Variants in KCNN3 observed in about 807,000 individuals in gnomAD.
KCNN3 encodes the protein small conductance calcium-activated potassium channel protein 3.
KCNN3 carries 16 observed loss-of-function variants against 62.9 expected under a neutral mutation model. That is an observed-to-expected ratio of 0.25 (90% confidence interval 0.17 to 0.39). The LOEUF (loss-of-function observed/expected upper bound fraction) is 0.39. Among genes scored for constraint, KCNN3 ranks in the 10% least tolerant of loss-of-function variants. The probability of loss-of-function intolerance (pLI) is 1.00; values close to 1 mark genes in which losing one functional copy is unlikely to be tolerated. For synonymous variants in KCNN3, 370 were observed against 389.2 expected, an observed-to-expected ratio of 0.95 and a Z score of 0.58; for missense variants, 599 against 949.4, an observed-to-expected ratio of 0.63 and a Z score of 4.85.
intron 2 of KCNN3, among the ~76,000 whole-genome samples, chr1:154,796,811 G>A (rs1055519257): frequency 1.3e-5 from 2 of 152,238 alleles, no homozygotes; most frequent in African/African-American, 4.8e-5. Flanking sequence ...ATGAGGCAGC[G>A]CCCAGAGGAT....
rs1699869390 is a variant in KCNN3 at position 154,702,297 on chromosome 1, A to C, written c.*5679T>G. On this transcript the variant is annotated 3_prime_UTR_variant, in exon 8 of 8. Transcript: ENST00000271915. ...TAGTTTGATACAAAATGTTAATTGA[A>C]AGTTACAATATATTTTATAATATAT... is the stretch of plus-strand genomic sequence containing the variant. The C allele has an allele frequency of 6.6e-6, 1 of 152,006 alleles. No individual in the cohort carries two copies. Among genetic ancestry groups the C allele is most frequent in the African/African-American group, 2.4e-5 (1 of 41,386 alleles). 9.4% of individuals were successfully genotyped at this position (152,006 alleles called of 1,614,324 possible).
intron 2 of KCNN3, among the ~76,000 whole-genome samples, chr1:154,797,753 A>T (rs1649791638): frequency 6.6e-6 from 1 of 152,202 alleles, no homozygotes. Context: ...CATATAGCAG[A>T]TGCTGGAGGA....
chr1:154,842,478 T>G (rs1183064209), intron 1 of KCNN3, among the ~76,000 whole-genome samples: 1 of 152,086 alleles, frequency 6.6e-6, no homozygotes, highest in Non-Finnish European at 1.5e-5. Context: ...CATCACCTGG[T>G]CGCACCCCAA....
chr1:154,841,251 A>G (rs1651815923), intron 1 of KCNN3, among the ~76,000 whole-genome samples: 1 of 152,244 alleles, frequency 6.6e-6, no homozygotes, highest in East Asian at 1.9e-4. Flanking sequence ...AGGGAGATGA[A>G]CACTGAAATA....
intron 2 of KCNN3, among the ~76,000 whole-genome samples, chr1:154,784,545 C>G (rs139907969): frequency 2.6e-5 from 4 of 152,236 alleles, no homozygotes; most frequent in African/African-American, 9.6e-5. Flanking sequence ...CTTCTGACTC[C>G]CAGGTGGGGC....
chr1:154,805,263 G>A (rs1650121862), intron 2 of KCNN3, among the ~76,000 whole-genome samples: 1 of 152,182 alleles, frequency 6.6e-6, no homozygotes, highest in Non-Finnish European at 1.5e-5. Context: ...AGGGGGAATG[G>A]CTGTGGCCAT....
chr1:154,824,861 T>C (rs916298745), intron 1 of KCNN3, among the ~76,000 whole-genome samples: 4 of 152,176 alleles, frequency 2.6e-5, no homozygotes, highest in African/African-American at 9.7e-5. Context: ...TGCTTCTTGG[T>C]TTTGGCCAGT....
At chr1:154,865,132 C>G (rs1652903135) in intron 1 of KCNN3, among the ~76,000 whole-genome samples, 1 of 152,014 alleles carries the variant, frequency 6.6e-6, no homozygotes, top group Non-Finnish European at 1.5e-5. Context: ...CTTTCTGAAC[C>G]CAGGGAAGAG....
At chr1:154,801,331 AT>A (rs1377942867) in intron 2 of KCNN3, among the ~76,000 whole-genome samples, 1 of 152,096 alleles carries the variant, frequency 6.6e-6, no homozygotes, top group Non-Finnish European at 1.5e-5. Flanking sequence ...GTCACTTTTT[AT>A]TCTTTTCTAT....
intron 1 of KCNN3, among the ~76,000 whole-genome samples, chr1:154,853,131 A>T (rs1026854249): frequency 3.3e-5 from 5 of 150,838 alleles, no homozygotes; most frequent in Non-Finnish European, 7.4e-5. Context: ...CTAGGACTAC[A>T]GGTGCACACC....
chr1:154,817,673 T>C (rs1650722850), intron 2 of KCNN3, among the ~76,000 whole-genome samples: 1 of 152,224 alleles, frequency 6.6e-6, no homozygotes, highest in Non-Finnish European at 1.5e-5. Context: ...CTGAGTTTTA[T>C]GATTCTGCCT....
chr1:154,846,023 C>T (rs747583416), intron 1 of KCNN3, among the ~76,000 whole-genome samples: 6 of 152,224 alleles, frequency 3.9e-5, no homozygotes, highest in African/African-American at 7.2e-5. Context: ...AGCAGCCTGC[C>T]GGTCCAAAAC....
rs934194942 is a variant in KCNN3, at chr1:154,703,315, G to A, written c.*4661C>T. Reference sequence around the variant, plus strand: ...TAATGTTTATTTTGGCGGCAGTAGAGAAGGAAAGGATACTGTCTGGGGCGT... The same window carrying A: ...TAATGTTTATTTTGGCGGCAGTAGAAAAGGAAAGGATACTGTCTGGGGCGT... On this transcript the variant is annotated 3_prime_UTR_variant, in exon 8 of 8. Coordinates refer to ENST00000271915, the MANE Select transcript of KCNN3 (RefSeq NM_002249.6). 1 of 152,086 alleles carries A rather than the reference G, an allele frequency of 6.6e-6. No individual in the cohort carries two copies. The highest frequency in any genetic ancestry group is 6.6e-5 in the Admixed American group (1 of 15,258). The allele number at this position is 152,086 out of a possible 1,614,324, so 9.4% of individuals were successfully genotyped here.
At chr1:154,766,742 T>C (rs1252139365) in intron 3 of KCNN3, among the ~76,000 whole-genome samples, 4 of 150,210 alleles carry the variant, frequency 2.7e-5, no homozygotes, top group Non-Finnish European at 3.0e-5. Flanking sequence ...TGCAGTGGCG[T>C]GATCTCGGCT....
intron 2 of KCNN3, among the ~76,000 whole-genome samples, chr1:154,793,003 G>A (rs372439387): frequency 8.5e-5 from 13 of 152,168 alleles, no homozygotes; most frequent in African/African-American, 2.2e-4. Context: ...TGTGGTCCTC[G>A]GTTCTGTACC....
Position 154,706,212 on chromosome 1 carries a change from T to C in KCNN3, c.*1764A>G, listed in dbSNP as rs1214599136. The C allele has an allele frequency of 6.6e-6, 1 of 152,220 alleles. No homozygotes were observed. The highest frequency in any genetic ancestry group is 2.4e-5 in the African/African-American group (1 of 41,434). The allele number at this position is 152,220 out of a possible 1,614,324, so 9.4% of individuals were successfully genotyped here. A position where few individuals can be genotyped will look rare whatever the true frequency, so the allele number is the denominator to read the frequency against. ...TGAAAAAGTGGCCTTGGCTCTACAA[T>C]TGTCTACCTTGTGCTGTCCTTAGAA... On this transcript the variant is annotated 3_prime_UTR_variant, in exon 8 of 8. Transcript: ENST00000271915.
At chr1:154,755,854 AG>A (rs1647655063) in intron 3 of KCNN3, among the ~76,000 whole-genome samples, 1 of 141,802 alleles carries the variant, frequency 7.1e-6, no homozygotes, top group African/African-American at 2.6e-5. Flanking sequence ...AGAAGGAAGA[AG>A]GAAGAAGAAG....
intron 1 of KCNN3, among the ~76,000 whole-genome samples, chr1:154,868,583 A>G (rs1653040730): frequency 6.7e-6 from 1 of 150,276 alleles, no homozygotes; most frequent in South Asian, 2.1e-4. Flanking sequence ...AAGAAGGGGA[A>G]GTCGCAGGAA....
chr1:154,803,873 T>C (rs1650054365), intron 2 of KCNN3, among the ~76,000 whole-genome samples: 6 of 152,272 alleles, frequency 3.9e-5, no homozygotes, highest in Middle Eastern at 3.4e-3. Flanking sequence ...ACACCAAGGA[T>C]TCACCCCTCC....
Sources: allele counts gnomAD v4.1 joint callset (sites outside exome capture counted in the v4.1 genomes callset), GRCh38; gene constraint gnomAD v4.1.1; transcripts MANE v1.5; gene names NCBI Gene and HGNC (gene_info 2026-07-23, HGNC 2026-07-21).